Variants in MDGA2 observed in about 807,000 individuals in gnomAD.
MDGA2 encodes MAM domain-containing glycosylphosphatidylinositol anchor protein 2.
A neutral mutation model predicts 117.8 loss-of-function variants in MDGA2; 40 were observed. The ratio of observed to expected loss-of-function variants is 0.34; its 90% CI spans 0.26 to 0.44. The LOEUF is 0.44. MDGA2 is among the 20% of genes least tolerant of loss of function. MDGA2 has a pLI of 1.00. For missense variants in MDGA2, 1,123 were observed against 1,250.6 expected, an observed-to-expected ratio of 0.90 and a Z score of 1.54; for synonymous variants, 452 against 439.0, an observed-to-expected ratio of 1.03 and a Z score of -0.37.
At chr14:47,271,399 G>C (rs182205468) in intron 2 of MDGA2, among the ~76,000 whole-genome samples, 1 of 152,200 alleles carries the variant, frequency 6.6e-6, no homozygotes, top group East Asian at 1.9e-4. Flanking sequence ...TTTTCTTTTT[G>C]AAAAAGATGA....
intron 2 of MDGA2, among the ~76,000 whole-genome samples, chr14:47,237,600 A>G (rs1327196926): frequency 1.3e-5 from 2 of 152,212 alleles, no homozygotes; most frequent in South Asian, 2.1e-4. Flanking sequence ...TTATACGAAT[A>G]TATCTGTTCG....
At chr14:47,580,812 C>G (rs929433128) in intron 1 of MDGA2, among the ~76,000 whole-genome samples, 6 of 151,968 alleles carry the variant, frequency 3.9e-5, no homozygotes, top group African/African-American at 9.7e-5. Flanking sequence ...AATGCTTCCA[C>G]TACATAACAT....
chr14:47,492,311 T>C (rs1894186485), intron 1 of MDGA2, among the ~76,000 whole-genome samples: 1 of 152,128 alleles, frequency 6.6e-6, no homozygotes. Context: ...GTGGAGATGA[T>C]ATATTCACTC....
At chr14:47,043,989 C>T (rs968897564) in intron 7 of MDGA2, among the ~76,000 whole-genome samples, 1 of 152,054 alleles carries the variant, frequency 6.6e-6, no homozygotes, top group Non-Finnish European at 1.5e-5. Flanking sequence ...TGTGCACTTA[C>T]ATATGTAACG....
intron 5 of MDGA2, among the ~76,000 whole-genome samples, chr14:47,131,460 T>C (rs1882200101): frequency 1.3e-5 from 2 of 151,994 alleles, no homozygotes; most frequent in Admixed American, 1.3e-4. Flanking sequence ...GTTAGTGACA[T>C]TTTAGAATGC....
chr14:47,295,220 T>A (rs1250548897), intron 2 of MDGA2, among the ~76,000 whole-genome samples: 1 of 152,202 alleles, frequency 6.6e-6, no homozygotes, highest in Non-Finnish European at 1.5e-5. Flanking sequence ...TGATGCACAT[T>A]CTTTCTTTGT....
intron 9 of MDGA2, among the ~76,000 whole-genome samples, chr14:46,933,839 TATATATA>T: frequency 1.3e-5 from 1 of 74,158 alleles, no homozygotes; most frequent in African/African-American, 3.9e-5. Flanking sequence ...TATATATATA[TATATATA>T]TATATACTTT....
intron 1 of MDGA2, among the ~76,000 whole-genome samples, chr14:47,370,991 G>C (rs1453175349): frequency 3.3e-5 from 5 of 151,546 alleles, no homozygotes; most frequent in Admixed American, 6.6e-5. Flanking sequence ...TAGCACAAAA[G>C]GAATTTTAAA....
At chr14:47,551,646 A>G (rs1895584090) in intron 1 of MDGA2, among the ~76,000 whole-genome samples, 1 of 152,342 alleles carries the variant, frequency 6.6e-6, no homozygotes, top group East Asian at 1.9e-4. Context: ...CCAAGAATTC[A>G]CACAAAATAA....
chr14:47,078,906 C>T (rs1890596161), intron 6 of MDGA2, among the ~76,000 whole-genome samples: 1 of 152,086 alleles, frequency 6.6e-6, no homozygotes, highest in Admixed American at 6.6e-5. Context: ...TCCTATCTAA[C>T]TGAAATTTTG....
chr14:46,920,320 C>T, intron 9 of MDGA2, 160 bp from the exon 10 acceptor site: 5 of 659,748 alleles, frequency 7.6e-6, no homozygotes, highest in Non-Finnish European at 9.4e-6. Context: ...TGTGAGATTT[C>T]CTGGTTGATT....
At chr14:47,168,558 T>C (rs1405120194) in intron 3 of MDGA2, among the ~76,000 whole-genome samples, 1 of 151,976 alleles carries the variant, frequency 6.6e-6, no homozygotes, top group Non-Finnish European at 1.5e-5. Context: ...TGATGAAAAG[T>C]TATTACTAAA....
intron 1 of MDGA2, among the ~76,000 whole-genome samples, chr14:47,303,531 C>T (rs1169874399): frequency 6.6e-6 from 1 of 151,996 alleles, no homozygotes; most frequent in East Asian, 1.9e-4. Context: ...TCATTTCAGG[C>T]AGTGATCAAA....
Position 46,855,454 on chromosome 14 carries a change from A to G in MDGA2, c.2753-300T>C, listed in dbSNP as rs1410767593. Reference sequence around the variant, plus strand: ...TAGGGTGAGTCCTAAATGCAATTACATATAGCTTTATAAAACAGAGGCAGA... The same window carrying G: ...TAGGGTGAGTCCTAAATGCAATTACGTATAGCTTTATAAAACAGAGGCAGA... On this transcript the variant is annotated intron_variant, in intron 14 of 16. Transcript: ENST00000399232. The surrounding 1 kb of genome is among the most constrained non-coding windows in gnomAD (Gnocchi z 4.1). Among the ~76,000 whole-genome samples the G allele has an allele frequency of 6.6e-6, 1 of 152,140 alleles. No individual in the cohort carries two copies. Among genetic ancestry groups the G allele is most frequent in the Non-Finnish European group, 1.5e-5 (1 of 68,016 alleles).
intron 1 of MDGA2, among the ~76,000 whole-genome samples, chr14:47,616,509 C>A (rs1896951018): frequency 6.6e-6 from 1 of 152,108 alleles, no homozygotes; most frequent in South Asian, 2.1e-4. Flanking sequence ...TCTCAGACAC[C>A]TTTTGCTTGA....
intron 10 of MDGA2, among the ~76,000 whole-genome samples, chr14:46,891,590 A>G (rs1217762184): frequency 1.3e-5 from 2 of 151,504 alleles, no homozygotes; most frequent in Non-Finnish European, 3.0e-5. Context: ...AGTAAATTAT[A>G]TTGAATAATA....
At chr14:47,126,400 A>G (rs946970070) in intron 5 of MDGA2, among the ~76,000 whole-genome samples, 3 of 152,150 alleles carry the variant, frequency 2.0e-5, no homozygotes, top group Non-Finnish European at 4.4e-5. Context: ...ATAAATTTTA[A>G]GACAGCTAGA....
At chr14:47,283,086 T>C (rs776751321) in intron 2 of MDGA2, among the ~76,000 whole-genome samples, 1 of 152,260 alleles carries the variant, frequency 6.6e-6, no homozygotes, top group African/African-American at 2.4e-5. Context: ...ATTATGCTTA[T>C]GGCTATTAAT....
chr14:47,373,747 G>C (rs80322097), intron 1 of MDGA2, among the ~76,000 whole-genome samples: 1 of 151,796 alleles, frequency 6.6e-6, no homozygotes, highest in Non-Finnish European at 1.5e-5. Context: ...TTAGATTTCG[G>C]TCATAGCTGC....
Sources: gnomAD v4.1 joint callset for allele counts (sites outside exome capture counted in the v4.1 genomes callset) on GRCh38, gnomAD v4.1.1 for gene constraint, Gnocchi (gnomAD v3.1) non-coding constraint, MANE v1.5 for transcripts, NCBI Gene and HGNC (gene_info 2026-07-23, HGNC 2026-07-21) for gene names.